The following OTUD5 variants were observed in gnomAD, a reference collection of about 807,000 sequenced individuals.
OTUD5 encodes the protein OTU deubiquitinase 5, also known as OTU domain-containing protein 5.
In OTUD5, 2 loss-of-function variants were observed where a neutral mutation model predicts 36.3. The observed-to-expected ratio is 0.06, with a 90% CI of 0.02 to 0.17. The LOEUF is 0.17. Ranked by LOEUF, OTUD5 falls within the 10% of genes least tolerant of loss-of-function variation. The probability of loss-of-function intolerance (pLI) is 1.00; values close to 1 mark genes in which losing one functional copy is unlikely to be tolerated. For missense variants in OTUD5, 233 were observed against 512.3 expected (o/e 0.45, Z 5.26); for synonymous variants, 234 against 214.9 (o/e 1.09, Z -0.78).
intron 6 of OTUD5, among the ~76,000 whole-genome samples, chrX:48,924,684 C>A (rs782444137): frequency 9.0e-6 from 1 of 111,664 alleles, no homozygotes; most frequent in Admixed American, 9.5e-5. Context: ...CCTCCATGTG[C>A]GCTCAGCTAA....
chrX:48,957,689 G>A, upstream of OTUD5: 3 of 797,642 alleles, frequency 3.8e-6, no homozygotes, highest in South Asian at 1.6e-4. Flanking sequence ...CCGGATAAAG[G>A]GATCGCGGCA....
At chrX:48,927,256 G>A (rs1429251177) in intron 5 of OTUD5, among the ~76,000 whole-genome samples, 2 of 111,213 alleles carry the variant, frequency 1.8e-5, no homozygotes, top group Non-Finnish European at 3.8e-5. Flanking sequence ...GGAGACTTCT[G>A]TGACCAAGTG....
chrX:48,945,322 G>C (rs1321228150), intron 1 of OTUD5, among the ~76,000 whole-genome samples: 1 of 98,966 alleles, frequency 1.0e-5, no homozygotes, highest in Admixed American at 1.1e-4. Context: ...CCAGGCCGGA[G>C]TGCAGTGGCA....
intron 1 of OTUD5, among the ~76,000 whole-genome samples, chrX:48,951,381 G>A (rs781892898): frequency 1.3e-4 from 14 of 111,204 alleles, no homozygotes; most frequent in South Asian, 3.7e-4. Context: ...TTGGGAGGCC[G>A]AGGTGGGCGG....
chrX:48,957,137 C>T lies in OTUD5; in HGVS notation c.434G>A (p.Gly145Glu). 3 of 1,165,707 alleles carry T rather than the reference C, an allele frequency of 2.6e-6. No homozygotes were observed. Among genetic ancestry groups the T allele is most frequent in the Non-Finnish European group, 3.4e-6 (3 of 877,601 alleles). ...GAVGVGGCCSGPGHSKRRRQA... is the reference protein window; with the variant it reads ...GAVGVGGCCSEPGHSKRRRQA... ...ACGTCGCCGCTTGCTGTGCCCAGGC[C>T]CGGAGCAGCAGCCGCCCACGCCTAC... The change falls in exon 1 of 9, where the codon GGG (glycine) becomes GAG (glutamate). Residue 145 changes from glycine to glutamate, a missense_variant. Around this residue, in one of 3 missense-constraint regions of OTUD5, gnomAD observed 155 missense variants for 217.2 expected, o/e 0.71. Transcript: ENST00000376488.
At chrX:48,923,429 C>T in intron 8 of OTUD5, 134 bp from the exon 9 acceptor site, 1 of 582,766 alleles carries the variant, frequency 1.7e-6, no homozygotes, top group Non-Finnish European at 2.8e-6. Context: ...ACAGAAGGAT[C>T]TGCTAGGCCT....
intron 1 of OTUD5, among the ~76,000 whole-genome samples, chrX:48,951,420 C>T (rs893107650): frequency 1.8e-5 from 2 of 111,585 alleles, no homozygotes; most frequent in Non-Finnish European, 3.8e-5. Flanking sequence ...CGAGATCATC[C>T]TGGCTAACAC....
At chrX:48,953,971 C>A (rs1358241234) in intron 1 of OTUD5, among the ~76,000 whole-genome samples, 3 of 110,957 alleles carry the variant, frequency 2.7e-5, no homozygotes, top group Non-Finnish European at 5.7e-5. Flanking sequence ...CAGGAGGAAT[C>A]TTCCCTCTTC....
chrX:48,926,977 G>A (rs1438118268), intron 5 of OTUD5, among the ~76,000 whole-genome samples: 1 of 111,853 alleles, frequency 8.9e-6, no homozygotes, highest in East Asian at 2.8e-4. Context: ...GTTTCATGAA[G>A]CTTTAGTTAA....
intron 1 of OTUD5, among the ~76,000 whole-genome samples, chrX:48,944,957 A>C (rs1230268230): frequency 9.2e-6 from 1 of 109,220 alleles, no homozygotes; most frequent in Non-Finnish European, 1.9e-5. Context: ...AGGAGGTAAG[A>C]GGTTGCGGTG....
intron 1 of OTUD5, among the ~76,000 whole-genome samples, chrX:48,945,250 G>C (rs1282803385): frequency 9.8e-6 from 1 of 102,175 alleles, no homozygotes; most frequent in Non-Finnish European, 2.0e-5. Context: ...AACCCAAAAA[G>C]CTTTGAAAAT....
At chrX:48,952,030 T>G (rs782568701) in intron 1 of OTUD5, among the ~76,000 whole-genome samples, 8 of 109,780 alleles carry the variant, frequency 7.3e-5, no homozygotes, top group African/African-American at 2.7e-4. Context: ...CACTCCAGCC[T>G]GGGCAGCAGA....
chrX:48,931,358 G>A (rs2063748327), intron 5 of OTUD5, among the ~76,000 whole-genome samples: 1 of 112,433 alleles, frequency 8.9e-6, no homozygotes, highest in Non-Finnish European at 1.9e-5. Flanking sequence ...ATGAGAAAAA[G>A]TCCAAAAGAG....
intron 5 of OTUD5, among the ~76,000 whole-genome samples, chrX:48,933,790 C>A (rs144761657): frequency 9.0e-6 from 1 of 111,667 alleles, no homozygotes; most frequent in African/African-American, 3.3e-5. Context: ...AAAAAAGAAC[C>A]CTATGTTGGA....
Position 48,923,164 on chromosome X carries a change from T to C in OTUD5, c.*10A>G, listed in dbSNP as rs782793481. Reference sequence around the variant, plus strand: ...GGGTTGGGAGATGGTGTCCAATCCCTGGGTCTCCATCAACTCTTGTCTGGG... The same window carrying C: ...GGGTTGGGAGATGGTGTCCAATCCCCGGGTCTCCATCAACTCTTGTCTGGG... On this transcript the variant is annotated 3_prime_UTR_variant, in exon 9 of 9. Transcript: ENST00000376488. 2.5e-6 allele frequency: 3 copies of C among 1,210,007 alleles called. No individual in the cohort carries two copies. In the South Asian group the frequency reaches 5.3e-5, roughly 21 times the overall value.
chrX:48,956,929 G>C, intron 1 of OTUD5, 48 bp downstream of exon 1: 1 of 1,083,801 alleles, frequency 9.2e-7, no homozygotes, highest in Non-Finnish European at 1.2e-6. Flanking sequence ...TCACAGTCTG[G>C]GGGTCCCATC....
intron 6 of OTUD5, among the ~76,000 whole-genome samples, 166 bp downstream of exon 6, chrX:48,925,681 C>T (rs782086657): frequency 8.9e-6 from 1 of 112,869 alleles, no homozygotes; most frequent in South Asian, 3.6e-4. Context: ...ATTTAAAGTT[C>T]CAAGGTACAA....
In OTUD5 at chrX:48,933,416, C is replaced by CT. The variant is rs61012379; in HGVS notation, c.1059+1047dup. Among the ~76,000 whole-genome samples, 46 of 90,686 alleles carry CT rather than the reference C, an allele frequency of 5.1e-4. 1 individual carries two copies. The highest frequency in any genetic ancestry group is 2.1e-3 in the South Asian group (4 of 1,917). 78.7% of individuals were successfully genotyped at this position (90,686 alleles called of 115,157 possible). A position where few individuals can be genotyped will look rare whatever the true frequency, so the allele number is the denominator to read the frequency against. Reference sequence around the variant, plus strand: ...TGGGAACTCTGTAATATATTTGTAACTTTTTTTTTTTTTTTTTGAGACAGA... The same window carrying CT: ...TGGGAACTCTGTAATATATTTGTAACTTTTTTTTTTTTTTTTTTGAGACAGA... On this transcript the variant is annotated intron_variant, in intron 5 of 8. Coordinates refer to ENST00000376488, the MANE Select transcript of OTUD5 (RefSeq NM_001136157.2).
intron 1 of OTUD5, among the ~76,000 whole-genome samples, chrX:48,944,557 G>A (rs1557051918): frequency 8.9e-6 from 1 of 112,187 alleles, no homozygotes; most frequent in African/African-American, 3.2e-5. Flanking sequence ...GACCTTGCAG[G>A]GCCTGGCCCA....
Sources: gnomAD v4.1 joint callset for allele counts (sites outside exome capture counted in the v4.1 genomes callset) on GRCh38, gnomAD v4.1.1 for gene constraint, gnomAD v4.1.1 regional missense constraint, MANE v1.5 for transcripts, NCBI Gene and HGNC (gene_info 2026-07-23, HGNC 2026-07-21) for gene names.